Variants in SDCCAG8 observed in about 807,000 individuals in gnomAD.
The protein encoded by SDCCAG8 is serologically defined colon cancer antigen 8.
SDCCAG8 carries 74 observed loss-of-function variants against 101.8 expected under a neutral mutation model. That is an observed-to-expected ratio of 0.73 (90% CI 0.60 to 0.88). The LOEUF (loss-of-function observed/expected upper bound fraction) is 0.88. Among genes scored for constraint, SDCCAG8 ranks in the 40% least tolerant of loss-of-function variants. The pLI is 0.00. For missense variants in SDCCAG8, 787 were observed against 822.6 expected (o/e 0.96, Z 0.53); for synonymous variants, 281 against 292.9 (o/e 0.96, Z 0.41).
intron 13 of SDCCAG8, among the ~76,000 whole-genome samples, chr1:243,406,715 T>C (rs1238431861): frequency 6.6e-6 from 1 of 152,152 alleles, no homozygotes; most frequent in African/African-American, 2.4e-5. Flanking sequence ...CTTTCTTCAA[T>C]AATCTCCCCT....
rs5782261 is a variant in SDCCAG8 at position 243,258,192 on chromosome 1, TAA to T, written c.67+1960_67+1961del. On this transcript the variant is annotated intron_variant, in intron 1 of 17. Transcript: ENST00000366541. ...GAAGGATAGAAAAAGTTAAACAACT[TAA>T]AAAAAAACGTATTCATAATTTTAAC... 1.5e-4 allele frequency among the ~76,000 whole-genome samples: 23 copies of T among 151,244 alleles called. No individual in the cohort carries two copies. In the South Asian group the frequency reaches 4.8e-3, roughly 31 times the overall value.
intron 12 of SDCCAG8, among the ~76,000 whole-genome samples, chr1:243,351,445 TG>T (rs138575638): frequency 3.7e-4 from 56 of 152,322 alleles, no homozygotes; most frequent in African/African-American, 1.3e-3. Context: ...TAAGAATACT[TG>T]CAAAGCAGCA....
chr1:243,415,853 G>A (rs962484248), intron 14 of SDCCAG8, 24 bp downstream of exon 14: 1 of 1,611,418 alleles, frequency 6.2e-7, no homozygotes, highest in Admixed American at 1.7e-5. Flanking sequence ...AAAGATTAGA[G>A]CCTGGGCACT....
chr1:243,479,411 C>T (rs1053154546), intron 16 of SDCCAG8, among the ~76,000 whole-genome samples: 1 of 152,178 alleles, frequency 6.6e-6, no homozygotes, highest in South Asian at 2.1e-4. Context: ...AGCTACTCGG[C>T]CGTTATGGTG....
rs376104383 is a variant in SDCCAG8 at position 243,388,596 on chromosome 1, C to T, written c.1616+9733C>T. On this transcript the variant is annotated intron_variant, in intron 13 of 17. Coordinates refer to ENST00000366541, the MANE Select transcript of SDCCAG8 (RefSeq NM_006642.5). ...TAATCCCTGGTCAGGTGCCATGGCT[C>T]ATGCCTGTAATCCCAGCACCTTGGG... Among the ~76,000 whole-genome samples the T allele has an allele frequency of 6.6e-5, 10 of 151,606 alleles. No individual in the cohort carries two copies. The East Asian group carries it at 1.2e-3, about 18-fold the overall frequency.
At chr1:243,311,971 A>G (rs904639057) in intron 8 of SDCCAG8, among the ~76,000 whole-genome samples, 1 of 152,222 alleles carries the variant, frequency 6.6e-6, no homozygotes, top group African/African-American at 2.4e-5. Context: ...CTCTTAAAGT[A>G]AATGTCAACC....
intron 12 of SDCCAG8, among the ~76,000 whole-genome samples, chr1:243,349,655 A>T (rs2075970968): frequency 6.6e-6 from 1 of 152,172 alleles, no homozygotes; most frequent in Non-Finnish European, 1.5e-5. Flanking sequence ...ATCTAATGGC[A>T]TTACTCAGCG....
chr1:243,420,399 G>T (rs1469965474), intron 15 of SDCCAG8, among the ~76,000 whole-genome samples: 2 of 152,152 alleles, frequency 1.3e-5, no homozygotes, highest in Non-Finnish European at 2.9e-5. Context: ...CATTTTTAAG[G>T]GTCTTGACTG....
At chr1:243,431,487 G>C (rs2148058536) in intron 16 of SDCCAG8, among the ~76,000 whole-genome samples, 1 of 152,176 alleles carries the variant, frequency 6.6e-6, no homozygotes, top group South Asian at 2.1e-4. Context: ...CCTGGGTTTG[G>C]GATGAGATCA....
At chr1:243,256,332 C>T in intron 1 of SDCCAG8, 92 bp downstream of exon 1, 1 of 974,000 alleles carries the variant, frequency 1.0e-6, no homozygotes, top group Non-Finnish European at 1.7e-6. Context: ...CACCTGGGTT[C>T]TGCCCCGTCC....
At chr1:243,284,869 T>C (rs2069444853) in intron 4 of SDCCAG8, among the ~76,000 whole-genome samples, 1 of 152,140 alleles carries the variant, frequency 6.6e-6, no homozygotes, top group Admixed American at 6.5e-5. Context: ...AGTCCTTCTA[T>C]GACTGGGTCT....
chr1:243,282,230 G>A (rs563546404), intron 4 of SDCCAG8, among the ~76,000 whole-genome samples: 10 of 151,278 alleles, frequency 6.6e-5, no homozygotes, highest in Non-Finnish European at 1.0e-4. Flanking sequence ...GCTGGTAGCC[G>A]TTGATTGATG....
At chr1:243,486,009 A>C (rs1434937693) in intron 16 of SDCCAG8, among the ~76,000 whole-genome samples, 1 of 151,690 alleles carries the variant, frequency 6.6e-6, no homozygotes, top group Non-Finnish European at 1.5e-5. Flanking sequence ...GACCAGCCTG[A>C]CCAACATGGA....
At position 243,388,011 on chromosome 1, in the gene SDCCAG8, C is replaced by T. The variant is rs73118381; in HGVS notation, c.1616+9148C>T. Among the ~76,000 whole-genome samples the T allele has an allele frequency of 9.3e-3, 1,422 of 152,222 alleles. 26 individuals are homozygous for T. Among genetic ancestry groups the T allele is most frequent in the African/African-American group, 0.033 (1,359 of 41,544 alleles). On this transcript the variant is annotated intron_variant, in intron 13 of 17. Coordinates refer to ENST00000366541, the MANE Select transcript of SDCCAG8 (RefSeq NM_006642.5). ...GATTACAGGTGTGAGCCACTGTGCC[C>T]GGCCTCTAGTACAGATATTTTCTTG...
intron 11 of SDCCAG8, 73 bp from the exon 12 acceptor site, chr1:243,344,142 C>A: frequency 8.1e-7 from 1 of 1,239,088 alleles, no homozygotes; most frequent in Non-Finnish European, 1.2e-6. Context: ...CTAGGGGGCA[C>A]CAAAAGATCT....
intron 9 of SDCCAG8, chr1:243,318,625 T>A (rs1440348498): frequency 1.1e-6 from 1 of 949,514 alleles, no homozygotes; most frequent in Non-Finnish European, 1.3e-6. Context: ...CCCTCATGCC[T>A]TTTGAAACTT....
chr1:243,447,248 CAAAAAAAAAAAA>C (rs397830130), intron 16 of SDCCAG8, among the ~76,000 whole-genome samples: 9 of 41,392 alleles, frequency 2.2e-4, no homozygotes, highest in Admixed American at 3.8e-4. Flanking sequence ...GACTTCGTCT[CAAAAAAAAAAAA>C]AAAAAAAAAA....
In SDCCAG8 at chr1:243,259,278, G is replaced by C. The variant is rs915017508; in HGVS notation, c.67+3038G>C. ...AAAAACTAGCCGGGCGTGGTGGCGG[G>C]CGCCTGTAGTCCCAGCTACTCAGGA... On this transcript the variant is annotated intron_variant, in intron 1 of 17. Transcript: ENST00000366541. Among the ~76,000 whole-genome samples, 188 of 151,960 alleles carry C rather than the reference G, an allele frequency of 1.2e-3. 2 individuals carry two copies. Among genetic ancestry groups the C allele is most frequent in the African/African-American group, 4.3e-3 (177 of 41,468 alleles).
At position 243,259,918 on chromosome 1, in the gene SDCCAG8, A is replaced by G. The variant is rs559434206; in HGVS notation, c.67+3678A>G. Among the ~76,000 whole-genome samples, 36 of 152,332 alleles carry G rather than the reference A, an allele frequency of 2.4e-4. No homozygotes were observed. The South Asian group carries it at 5.0e-3, about 21-fold the overall frequency. ...TGGTATATCAATAATTTGAAGTTGT[A>G]ATGTGAAAACTGAGTCAGCGTTTAC... is the stretch of plus-strand genomic sequence containing the variant. On this transcript the variant is annotated intron_variant, in intron 1 of 17. Coordinates refer to ENST00000366541, the MANE Select transcript of SDCCAG8 (RefSeq NM_006642.5).
Sources: gnomAD v4.1 joint callset for allele counts (sites outside exome capture counted in the v4.1 genomes callset) on GRCh38, gnomAD v4.1.1 for gene constraint, MANE v1.5 for transcripts, NCBI Gene and HGNC (gene_info 2026-07-23, HGNC 2026-07-21) for gene names.